The following KASH5 variants were observed in gnomAD, a reference collection of about 807,000 sequenced individuals.
KASH5 encodes the protein KASH domain containing 5, also known as protein KASH5.
In KASH5, 72 loss-of-function variants were observed where a neutral mutation model predicts 84.2. That is an observed-to-expected ratio of 0.85 (90% CI 0.71 to 1.04). The LOEUF is 1.04. KASH5 is among the 50% of genes least tolerant of loss of function. The probability of loss-of-function intolerance (pLI) is 0.00; values close to 1 mark genes in which losing one functional copy is unlikely to be tolerated. For synonymous variants in KASH5, 260 were observed against 279.1 expected (o/e 0.93, Z 0.68); for missense variants, 650 against 701.0 (o/e 0.93, Z 0.82).
At chr19:49,401,369 G>A (rs1196144424) in intron 9 of KASH5, among the ~76,000 whole-genome samples, 1 of 152,206 alleles carries the variant, frequency 6.6e-6, no homozygotes, top group Non-Finnish European at 1.5e-5. Context: ...TGAGCTGTTA[G>A]CAAAGTCCCT....
At chr19:49,411,123 A>T (rs73053921) in intron 15 of KASH5, among the ~76,000 whole-genome samples, 152 of 151,736 alleles carry the variant, frequency 1.0e-3, no homozygotes, top group Non-Finnish European at 1.9e-3. Context: ...TATTTTTTGT[A>T]GAAATGAGGT....
intron 15 of KASH5, among the ~76,000 whole-genome samples, chr19:49,411,971 G>GGAAA (rs1164104908): frequency 1.6e-4 from 21 of 134,060 alleles, no homozygotes; most frequent in Non-Finnish European, 2.7e-4. Context: ...AAGGAAGGAA[G>GGAAA]GAAAGAAGGA....
At chr19:49,396,242 A>ATTTTTTTTTTTTTTTTTT (rs1568611428) in intron 5 of KASH5, among the ~76,000 whole-genome samples, 1 of 122,904 alleles carries the variant, frequency 8.1e-6, no homozygotes, top group Non-Finnish European at 1.7e-5. Flanking sequence ...ACCCTGCTGG[A>ATTTTTTTTTTTTTTTTTT]CTTTTTTTTT....
intron 14 of KASH5, 44 bp from the exon 15 acceptor site, chr19:49,409,709 C>T: frequency 6.2e-7 from 1 of 1,612,722 alleles, no homozygotes; most frequent in Middle Eastern, 1.7e-4. Context: ...TGTTTTCTAC[C>T]TTAATATGGC....
intron 15 of KASH5, among the ~76,000 whole-genome samples, chr19:49,411,801 G>T (rs1212095023): frequency 6.6e-6 from 1 of 152,088 alleles, no homozygotes; most frequent in Non-Finnish European, 1.5e-5. Flanking sequence ...GCCTGTGGGA[G>T]CCCAGAGAAG....
In KASH5 at chr19:49,414,985, A is replaced by G; in HGVS notation, c.1363A>G (p.Ser455Gly). The change falls in exon 17 of 20, where the codon AGC becomes GGC. Residue 455 changes from serine (S) to glycine (G), a missense_variant. By Grantham distance (56) the Ser-to-Gly change is moderately conservative. Transcript: ENST00000447857. This position sits in a 1 kb window ranked among gnomAD's most constrained non-coding sequence, Gnocchi z 4.5. ...AAGAGAGGAAGAGGAGGATGCAGAGAGCCAGGTCACGGTAGGCAGTCCCCA... is the reference window on the plus strand; with the variant it reads ...AAGAGAGGAAGAGGAGGATGCAGAGGGCCAGGTCACGGTAGGCAGTCCCCA... ...TRREEEEDAE[S>G]QVTADLPVPL... 1 of 1,612,968 alleles carries G rather than the reference A, an allele frequency of 6.2e-7. No homozygotes were observed. The highest frequency in any genetic ancestry group is 8.5e-7 in the Non-Finnish European group (1 of 1,179,560).
rs1278881164 is a variant in KASH5 at position 49,417,271 on chromosome 19, G to A, written c.1547+5G>A. On this transcript the variant is annotated splice_donor_5th_base_variant and intron_variant, in intron 19 of 19. Transcript: ENST00000447857. The surrounding 1 kb of genome is among the most constrained non-coding windows in gnomAD (Gnocchi z 5.2). Reference sequence around the variant, plus strand: ...CCTGCCCCCACAGCGGCTCAGGTGTGCCCCCAGGCGTCTCCAGAAGGAAGG... The same window carrying A: ...CCTGCCCCCACAGCGGCTCAGGTGTACCCCCAGGCGTCTCCAGAAGGAAGG... 1 of 1,609,462 alleles carries A rather than the reference G, an allele frequency of 6.2e-7. No homozygotes were observed. The highest frequency in any genetic ancestry group is 8.5e-7 in the Non-Finnish European group (1 of 1,177,992).
Position 49,407,265 on chromosome 19 carries a change from T to G in KASH5, c.902T>G (p.Leu301Arg), listed in dbSNP as rs752539755. The G allele has an allele frequency of 6.8e-6, 11 of 1,613,676 alleles. No individual in the cohort carries two copies. Among genetic ancestry groups the G allele is most frequent in the Non-Finnish European group, 9.3e-6 (11 of 1,179,816 alleles). The stretch of plus-strand genomic sequence containing the variant: ...CGGCAGCTCTTTGAGTGTGAACACC[T>G]CATTTGCCAAAGAGACACCATCCTC... ...LKRQLFECEH[L>R]ICQRDTILSE... Residue 301 changes from leucine (L) to arginine (R), a missense_variant, in exon 11 of 20, where the codon CTC becomes CGC. Coordinates refer to ENST00000447857, the MANE Select transcript of KASH5 (RefSeq NM_144688.5).
At chr19:49,415,127 C>A in intron 17 of KASH5, 131 bp downstream of exon 17, 1 of 920,146 alleles carries the variant, frequency 1.1e-6, no homozygotes, top group South Asian at 1.5e-5. Flanking sequence ...AATCATTTGG[C>A]CAAGAGATAA....
chr19:49,417,020 T>C lies in KASH5; in HGVS notation c.1380T>C (p.Asp460=), dbSNP rs368881558. ...CATCTCTTCTGTCCTTGCAGGCTGA[T>C]CTCCCTGTCCCTCTAGGAGCCCCTC... The part of the protein sequence containing the change: ...EEDAESQVTA[D]LPVPLGAPRP... Residue 460 remains aspartate, a synonymous_variant, in exon 18 of 20, where the codon GAT becomes GAC. Transcript: ENST00000447857. This position sits in a 1 kb window ranked among gnomAD's most constrained non-coding sequence, Gnocchi z 5.2. 1.3e-5 allele frequency: 20 copies of C among 1,587,390 alleles called. No homozygotes were observed. Among genetic ancestry groups the C allele is most frequent in the Non-Finnish European group, 1.5e-5 (18 of 1,167,680 alleles).
At position 49,398,130 on chromosome 19, in the gene KASH5, A is replaced by AAGC; in HGVS notation, c.620_622dup (p.Gln207dup). On this transcript the variant is annotated inframe_insertion, in exon 7 of 20. Coordinates refer to ENST00000447857, the MANE Select transcript of KASH5 (RefSeq NM_144688.5). ...TGGGGAGGAGATCTTGGCTCTGCGT[A>AAGC]AGCAGCTTCACAGGTGGGCTGGATG... 6.3e-7 allele frequency: 1 copy of AAGC among 1,583,472 alleles called. No homozygotes were observed. The highest frequency in any genetic ancestry group is 8.6e-7 in the Non-Finnish European group (1 of 1,158,258).
Position 49,416,949 on chromosome 19 carries a change from G to A in KASH5, c.1375-66G>A. 6.7e-7 allele frequency: 1 copy of A among 1,485,180 alleles called. No homozygotes were observed. The highest frequency in any genetic ancestry group is 9.2e-7 in the Non-Finnish European group (1 of 1,088,354). The allele number at this position is 1,485,180 out of a possible 1,614,324, so 92.0% of individuals were successfully genotyped here. A position where few individuals can be genotyped will look rare whatever the true frequency, so the allele number is the denominator to read the frequency against. ...TTCTATGTGGCCACTTGTGTCCAGT[G>A]GGCTGACCTGAGCACCTCTCAGTCC... On this transcript the variant is annotated intron_variant, in intron 17 of 19. Coordinates refer to ENST00000447857, the MANE Select transcript of KASH5 (RefSeq NM_144688.5). This position sits in a 1 kb window ranked among gnomAD's most constrained non-coding sequence, Gnocchi z 5.4.
Position 49,395,266 on chromosome 19 carries a change from C to G in KASH5, c.309C>G (p.Asp103Glu), listed in dbSNP as rs1974138276. The change falls in exon 4 of 20, where the codon GAC (aspartate) becomes GAG (glutamate). Residue 103 changes from aspartate to glutamate, a missense_variant. Asp to Glu is a conservative substitution (Grantham distance 45). Transcript: ENST00000447857. The surrounding 1 kb of genome is among the most constrained non-coding windows in gnomAD (Gnocchi z 4.4). ...DLDTFLVVMRDWIAACQLHGG... is the reference protein window; with the variant it reads ...DLDTFLVVMREWIAACQLHGG... ...ACACTTTCCTGGTTGTCATGCGTGA[C>G]TGGATTGCTGCCTGTCAACTACATG... 6.2e-7 allele frequency: 1 copy of G among 1,613,164 alleles called. No individual in the cohort carries two copies. Among genetic ancestry groups the G allele is most frequent in the African/African-American group, 1.3e-5 (1 of 74,916 alleles).
chr19:49,407,248 C>T lies in KASH5; in HGVS notation c.885C>T (p.Leu295=). 1 of 1,613,814 alleles carries T rather than the reference C, an allele frequency of 6.2e-7. No homozygotes were observed. The stretch of plus-strand genomic sequence containing the variant: ...GGCTCCTTTCTTGGCAGCGGCAGCT[C>T]TTTGAGTGTGAACACCTCATTTGCC... ...AMEKDTLKRQ[L]FECEHLICQR... Residue 295 remains leucine, a synonymous_variant, in exon 11 of 20, where the codon CTC becomes CTT. Transcript: ENST00000447857.
chr19:49,417,498 C>G lies in KASH5; in HGVS notation c.1677C>G (p.Pro559=), dbSNP rs1187004958. Residue 559 remains proline, a synonymous_variant, in exon 20 of 20, where the codon CCC becomes CCG. Coordinates refer to ENST00000447857, the MANE Select transcript of KASH5 (RefSeq NM_144688.5). This position sits in a 1 kb window ranked among gnomAD's most constrained non-coding sequence, Gnocchi z 5.2. ...WPHLQLCYLQ[P]PPV ...ACCTCCAGCTCTGCTACCTCCAGCC[C>G]CCTCCAGTGTGAGAGGCTCTACTTG... is the stretch of plus-strand genomic sequence containing the variant. 6.5e-7 allele frequency: 1 copy of G among 1,541,476 alleles called. No homozygotes were observed. Among genetic ancestry groups the G allele is most frequent in the East Asian group, 2.4e-5 (1 of 40,850 alleles).
chr19:49,396,121 T>C (rs1276122711), intron 5 of KASH5, among the ~76,000 whole-genome samples: 2 of 152,146 alleles, frequency 1.3e-5, no homozygotes, highest in Admixed American at 1.3e-4. Flanking sequence ...CTCCTCACTC[T>C]AGTCCAGGAA....
chr19:49,398,715 C>T (rs1041306488), intron 7 of KASH5, among the ~76,000 whole-genome samples: 4 of 152,058 alleles, frequency 2.6e-5, no homozygotes, highest in African/African-American at 9.7e-5. Context: ...TCATGTCACT[C>T]GCCCTTTCAT....
chr19:49,402,736 C>T (rs1974402271), intron 9 of KASH5, among the ~76,000 whole-genome samples: 1 of 152,092 alleles, frequency 6.6e-6, no homozygotes, highest in African/African-American at 2.4e-5. Context: ...GAAAAACTTT[C>T]CCTGAAGCCC....
intron 15 of KASH5, among the ~76,000 whole-genome samples, chr19:49,410,293 A>C (rs900806338): frequency 1.3e-5 from 2 of 152,174 alleles, no homozygotes; most frequent in Admixed American, 6.5e-5. Flanking sequence ...CAAGCTCACT[A>C]TGACATCTTT....
Sources: allele counts gnomAD v4.1 joint callset (sites outside exome capture counted in the v4.1 genomes callset), GRCh38; gene constraint gnomAD v4.1.1; non-coding constraint Gnocchi (gnomAD v3.1); transcripts MANE v1.5; gene names NCBI Gene and HGNC (gene_info 2026-07-23, HGNC 2026-07-21).